Variants in NAV1 observed in about 807,000 individuals in gnomAD.
NAV1 encodes the protein neuron navigator 1.
A neutral mutation model predicts 175.2 loss-of-function variants in NAV1; 18 were observed. The ratio of observed to expected loss-of-function variants is 0.10; its 90% CI spans 0.07 to 0.15. NAV1 has a LOEUF of 0.15. Ranked by LOEUF, NAV1 falls within the 10% of genes least tolerant of loss-of-function variation. The pLI, the probability that NAV1 is intolerant of heterozygous loss-of-function variation, is 1.00. For missense variants in NAV1, 1,731 were observed against 2,436.6 expected (o/e 0.71, Z 6.10); for synonymous variants, 897 against 978.7 (o/e 0.92, Z 1.56).
chr1:201,629,457 A>G, exon 2 of NAV1: 1 of 1,304,288 alleles, frequency 7.7e-7, no homozygotes, highest in Non-Finnish European at 1.0e-6. Context: ...TGGCCCCTTG[A>G]TGGCTATGCT....
chr1:201,642,537 C>CTTTCTTTTTCTTTT (rs1668812437), intron 2 of NAV1, among the ~76,000 whole-genome samples: 1 of 105,622 alleles, frequency 9.5e-6, no homozygotes, highest in African/African-American at 4.2e-5. Flanking sequence ...TTCTTTCTTT[C>CTTTCTTTTTCTTTT]TTTCTTTCTT....
intron 1 of NAV1, among the ~76,000 whole-genome samples, chr1:201,570,158 AG>A (rs1421427451): frequency 1.3e-5 from 2 of 152,232 alleles, no homozygotes; most frequent in Non-Finnish European, 2.9e-5. Context: ...AAATCAGAGC[AG>A]GTGGAAGGAA....
rs963688810 is a variant in NAV1 at position 201,651,006 on chromosome 1, A to G, written c.757+1581A>G. Among the ~76,000 whole-genome samples, 3 of 152,232 alleles carry G rather than the reference A, an allele frequency of 2.0e-5. No homozygotes were observed. The South Asian group carries it at 6.2e-4, about 32-fold the overall frequency. ...AGAGACAATAAGGGAAAAAATTAATAAATTTTTGGCAGGCACCATGGCAGG... is the reference window on the plus strand; with the variant it reads ...AGAGACAATAAGGGAAAAAATTAATGAATTTTTGGCAGGCACCATGGCAGG... On this transcript the variant is annotated intron_variant, in intron 1 of 29. Transcript: ENST00000367296.
exon 17 of NAV1, chr1:201,804,496 A>G: frequency 6.5e-7 from 1 of 1,543,692 alleles, no homozygotes; most frequent in Non-Finnish European, 8.7e-7. Flanking sequence ...CAGGTCTATG[A>G]GGTAAGAGAC....
chr1:201,595,966 G>A (rs1297184585), intron 2 of NAV1, among the ~76,000 whole-genome samples: 2 of 152,224 alleles, frequency 1.3e-5, no homozygotes, highest in East Asian at 3.8e-4. Flanking sequence ...TCATACCAGA[G>A]ATGCTGTGGA....
At chr1:201,566,458 G>A (rs746731322) in intron 1 of NAV1, among the ~76,000 whole-genome samples, 1 of 152,108 alleles carries the variant, frequency 6.6e-6, no homozygotes, top group East Asian at 1.9e-4. Flanking sequence ...CACTTAGGTT[G>A]TGTTCCCCAG....
chr1:201,735,017 A>G (rs1673051579), intron 3 of NAV1, among the ~76,000 whole-genome samples: 1 of 152,212 alleles, frequency 6.6e-6, no homozygotes. Context: ...ACAGTAACAC[A>G]GCTGGGAGCA....
intron 3 of NAV1, among the ~76,000 whole-genome samples, chr1:201,756,348 A>G (rs1380984456): frequency 6.6e-6 from 1 of 152,218 alleles, no homozygotes; most frequent in Non-Finnish European, 1.5e-5. Context: ...ATATTTTCAG[A>G]CATTTAAAAA....
intron 1 of NAV1, among the ~76,000 whole-genome samples, chr1:201,629,132 G>C (rs1313749503): frequency 6.6e-6 from 1 of 152,192 alleles, no homozygotes; most frequent in African/African-American, 2.4e-5. Flanking sequence ...CCTGGGAAAT[G>C]GGTAGACTGT....
In NAV1 at chr1:201,782,673, G is replaced by A. The variant is rs747110379; in HGVS notation, c.2161G>A (p.Val721Ile). 1 of 1,614,080 alleles carries A rather than the reference G, an allele frequency of 6.2e-7. No homozygotes were observed. The highest frequency in any genetic ancestry group is 1.1e-5 in the South Asian group (1 of 91,082). The change falls in exon 6 of 30, where the codon GTA becomes ATA. Residue 721 changes from valine to isoleucine, a missense_variant. Val to Ile is a conservative substitution (Grantham distance 29). Coordinates refer to ENST00000367296, the Ensembl canonical transcript of NAV1. This position sits in a 1 kb window ranked among gnomAD's most constrained non-coding sequence, Gnocchi z 5.4. ...TTCCAGACTGAAGGAGCCTACCAAG[G>A]TAGCCAGTGGGCGGACCACTCCAGC... is the stretch of plus-strand genomic sequence containing the variant.
In NAV1 at chr1:201,788,269, C is replaced by G. The variant is rs1055820068; in HGVS notation, c.2996-199C>G. On this transcript the variant is annotated intron_variant, in intron 9 of 29. Transcript: ENST00000367296. The surrounding 1 kb of genome is among the most constrained non-coding windows in gnomAD (Gnocchi z 5.7). ...CCTTCTCCATTAGGGCTTGATCTCC[C>G]CAGGAGGGACCCCGCTCCTAACCAC... is the stretch of plus-strand genomic sequence containing the variant. 6.6e-5 allele frequency among the ~76,000 whole-genome samples: 10 copies of G among 152,102 alleles called. No individual in the cohort carries two copies. The highest frequency in any genetic ancestry group is 1.3e-4 in the Non-Finnish European group (9 of 68,006).
chr1:201,723,753 A>G (rs1169853855), intron 3 of NAV1: 1 of 152,232 alleles, frequency 6.6e-6, no homozygotes, highest in Non-Finnish European at 1.5e-5. Flanking sequence ...GCATAGGCAC[A>G]GTGATGGGAA....
In NAV1 at chr1:201,622,962, C is replaced by G. The variant is rs765849398; in HGVS notation, c.-745C>G. The G allele has an allele frequency of 3.0e-6, 3 of 986,302 alleles. No individual in the cohort carries two copies. The African/African-American group carries it at 5.2e-5, about 17-fold the overall frequency. 61.1% of individuals were successfully genotyped at this position (986,302 alleles called of 1,614,324 possible). On this transcript the variant is annotated 5_prime_UTR_variant, in exon 1 of 30. Coordinates refer to the NAV1 transcript ENST00000367302. Reference sequence around the variant, plus strand: ...CCATCCCGGTGCCTCGTGCCTCTTCCCAGACCAGGATTCCTACACCGGGCG... The same window carrying G: ...CCATCCCGGTGCCTCGTGCCTCTTCGCAGACCAGGATTCCTACACCGGGCG...
At chr1:201,625,999 T>C (rs1450384979) in intron 1 of NAV1, among the ~76,000 whole-genome samples, 1 of 152,104 alleles carries the variant, frequency 6.6e-6, no homozygotes, top group East Asian at 1.9e-4. Flanking sequence ...TGGATTAGGG[T>C]TGGAGAGAGG....
chr1:201,602,655 T>G (rs1363372851), intron 2 of NAV1, among the ~76,000 whole-genome samples: 7 of 125,350 alleles, frequency 5.6e-5, no homozygotes, highest in African/African-American at 1.3e-4. Context: ...TTTTTGGTTT[T>G]TTTTTTTTTT....
chr1:201,627,211 C>T lies in NAV1; in HGVS notation c.-100-2193C>T, dbSNP rs115150718. On this transcript the variant is annotated intron_variant, in intron 1 of 29. Transcript: ENST00000367302. ...TTGGGCTCAAACAATTCTCCTGCCT[C>T]GGCCTTCCAAAGCTCTGGGATTAAC... Among the ~76,000 whole-genome samples the T allele has an allele frequency of 3.9e-3, 596 of 152,298 alleles. 4 individuals are homozygous for T. The highest frequency in any genetic ancestry group is 0.013 in the African/African-American group (556 of 41,564).
chr1:201,615,387 C>T (rs868426054), intron 2 of NAV1, among the ~76,000 whole-genome samples: 20 of 151,994 alleles, frequency 1.3e-4, no homozygotes, highest in Middle Eastern at 3.2e-3. Flanking sequence ...GCTTCAGCCT[C>T]CCGAATAGCT....
intron 3 of NAV1, among the ~76,000 whole-genome samples, chr1:201,771,174 G>A (rs1675552418): frequency 6.7e-6 from 1 of 150,006 alleles, no homozygotes; most frequent in Non-Finnish European, 1.5e-5. Context: ...GGGAGGCAGA[G>A]CTTGCAGTGA....
intron 3 of NAV1, among the ~76,000 whole-genome samples, chr1:201,762,754 C>T (rs1312253275): frequency 6.6e-6 from 1 of 152,194 alleles, no homozygotes; most frequent in Non-Finnish European, 1.5e-5. Flanking sequence ...CTCTTACTTC[C>T]TTATTGGTTT....
Sources: allele counts gnomAD v4.1 joint callset (sites outside exome capture counted in the v4.1 genomes callset), GRCh38; gene constraint gnomAD v4.1.1; non-coding constraint Gnocchi (gnomAD v3.1); transcripts MANE v1.5; gene names NCBI Gene and HGNC (gene_info 2026-07-23, HGNC 2026-07-21).